The following RASAL2 variants were observed in gnomAD, a reference collection of about 807,000 sequenced individuals.
RASAL2 encodes the protein ras GTPase-activating protein nGAP.
In RASAL2, 58 loss-of-function variants were observed where a neutral mutation model predicts 128.9. That is an observed-to-expected ratio of 0.45 (90% CI 0.36 to 0.56). RASAL2 has a LOEUF of 0.56. RASAL2 is among the 20% of genes least tolerant of loss of function. The pLI is 0.00. For missense variants in RASAL2, 1,360 were observed against 1,601.6 expected, an observed-to-expected ratio of 0.85 and a Z score of 2.57; for synonymous variants, 561 against 580.8, an observed-to-expected ratio of 0.97 and a Z score of 0.49.
rs1670085272 is a variant in RASAL2, at chr1:178,345,147, A to G, written c.458-44953A>G. ...GTTAACTCAAGCACATGAAGAGGGA[A>G]CCATTGAGGAGATCCTGTTAATAAT... On this transcript the variant is annotated intron_variant, in intron 3 of 17. Transcript: ENST00000367649. 2.6e-5 allele frequency among the ~76,000 whole-genome samples: 4 copies of G among 152,170 alleles called. 1 individual carries two copies. Among genetic ancestry groups the G allele is most frequent in the Admixed American group, 2.6e-4 (4 of 15,268 alleles).
At chr1:178,391,517 G>A (rs1357557129) in intron 4 of RASAL2, among the ~76,000 whole-genome samples, 2 of 152,072 alleles carry the variant, frequency 1.3e-5, no homozygotes, top group African/African-American at 4.8e-5. Flanking sequence ...GAAATTCATT[G>A]TATTTTCTTA....
chr1:178,197,402 C>T (rs540162157), intron 1 of RASAL2, among the ~76,000 whole-genome samples: 4 of 151,686 alleles, frequency 2.6e-5, no homozygotes, highest in Non-Finnish European at 4.4e-5. Context: ...TGCAGTGAGC[C>T]GAGATTGTGC....
rs1321781233 is a variant in RASAL2, at chr1:178,248,070, A to C, written c.203-35494A>C. ...GTTGAGTTGGGGTGGAGAGTTCTGT[A>C]GATGTCTATTAGGTCCACTTGGTCC... On this transcript the variant is annotated intron_variant, in intron 1 of 17. Transcript: ENST00000367649. Among the ~76,000 whole-genome samples the C allele has an allele frequency of 2.0e-5, 3 of 152,338 alleles. No homozygotes were observed. In the East Asian group the frequency reaches 5.8e-4, roughly 29 times the overall value.
chr1:178,268,934 A>T (rs1172640641), intron 1 of RASAL2, among the ~76,000 whole-genome samples: 2 of 151,944 alleles, frequency 1.3e-5, no homozygotes, highest in Non-Finnish European at 2.9e-5. Context: ...GTATTGGAGC[A>T]CCTGTTTTTT....
At chr1:178,261,284 T>C (rs1430792275) in intron 1 of RASAL2, among the ~76,000 whole-genome samples, 1 of 152,230 alleles carries the variant, frequency 6.6e-6, no homozygotes, top group Non-Finnish European at 1.5e-5. Flanking sequence ...GATGTGAGCA[T>C]AATATAAATA....
At chr1:178,281,751 A>G (rs181762353) in intron 1 of RASAL2, among the ~76,000 whole-genome samples, 1 of 152,308 alleles carries the variant, frequency 6.6e-6, no homozygotes, top group East Asian at 1.9e-4. Context: ...AAGTAGATGC[A>G]TCTTTTTCTG....
intron 2 of RASAL2, among the ~76,000 whole-genome samples, chr1:178,287,629 G>A (rs1252391694): frequency 3.3e-5 from 5 of 151,960 alleles, no homozygotes; most frequent in Admixed American, 6.6e-5. Context: ...AAGAAAATAT[G>A]GTGTATGTAT....
At position 178,337,770 on chromosome 1, in the gene RASAL2, T is replaced by C. The variant is rs537529000; in HGVS notation, c.457+37652T>C. Among the ~76,000 whole-genome samples the C allele has an allele frequency of 1.3e-5, 2 of 152,196 alleles. 1 individual carries two copies. Among genetic ancestry groups the C allele is most frequent in the South Asian group, 4.1e-4 (2 of 4,820 alleles). On this transcript the variant is annotated intron_variant, in intron 3 of 17. Transcript: ENST00000367649. ...TTTTGAGACGGAGTTTTGCTCTTAT[T>C]GCCCAGGCTGGAGTGCAGTGGCGCA...
At chr1:178,405,375 C>G (rs974284649) in intron 4 of RASAL2, among the ~76,000 whole-genome samples, 2 of 152,202 alleles carry the variant, frequency 1.3e-5, no homozygotes, top group Non-Finnish European at 1.5e-5. Flanking sequence ...CCAAGATGTC[C>G]ACATCCTAAT....
intron 1 of RASAL2, among the ~76,000 whole-genome samples, chr1:178,113,309 A>T (rs1000738911): frequency 6.6e-6 from 1 of 151,134 alleles, no homozygotes; most frequent in African/African-American, 2.4e-5. Context: ...TACTTTGACT[A>T]CTCTAGATCA....
At chr1:178,338,201 CT>C (rs1258689987) in intron 3 of RASAL2, among the ~76,000 whole-genome samples, 1 of 151,966 alleles carries the variant, frequency 6.6e-6, no homozygotes, top group Non-Finnish European at 1.5e-5. Flanking sequence ...ATGATCTCGG[CT>C]CACTGCAACA....
chr1:178,131,261 C>T (rs1660103678), intron 1 of RASAL2, among the ~76,000 whole-genome samples: 1 of 151,728 alleles, frequency 6.6e-6, no homozygotes. Flanking sequence ...GACTGGACTG[C>T]AGTGGCACAA....
intron 1 of RASAL2, among the ~76,000 whole-genome samples, chr1:178,162,404 T>TTATATATTATATATAATATTATA (rs1661348599): frequency 8.5e-6 from 1 of 118,100 alleles, no homozygotes; most frequent in Admixed American, 1.1e-4. Context: ...ATTATATATT[T>TTATATATTATATATAATATTATA]TATATATTAT....
intron 1 of RASAL2, among the ~76,000 whole-genome samples, chr1:178,209,151 C>T (rs1663167551): frequency 6.6e-6 from 1 of 151,800 alleles, no homozygotes; most frequent in African/African-American, 2.4e-5. Flanking sequence ...ATTAAATTAT[C>T]CCACCCCACA....
At position 178,451,646 on chromosome 1, in the gene RASAL2, T is replaced by A; in HGVS notation, c.1703T>A (p.Leu568Gln). The A allele has an allele frequency of 6.2e-7, 1 of 1,613,930 alleles. No individual in the cohort carries two copies. The highest frequency in any genetic ancestry group is 8.5e-7 in the Non-Finnish European group (1 of 1,179,802). The stretch of plus-strand genomic sequence containing the variant: ...CCCAGCAAATGTTCATCTAGTGAAC[T>A]GATAGACCATCAGAGCAACCTGAAA... ...VDPSKCSSSE[L>Q]IDHQSNLKMC... Residue 568 changes from leucine to glutamine, a missense_variant, in exon 10 of 18, where the codon CTG (leucine) becomes CAG (glutamine). Transcript: ENST00000367649.
intron 5 of RASAL2, among the ~76,000 whole-genome samples, chr1:178,427,201 ACT>A (rs920400732): frequency 7.9e-5 from 12 of 152,166 alleles, no homozygotes; most frequent in African/African-American, 2.2e-4. Flanking sequence ...ACACAAAAAG[ACT>A]CTGTGATGTT....
intron 1 of RASAL2, among the ~76,000 whole-genome samples, chr1:178,136,022 A>G (rs1444868445): frequency 6.6e-6 from 1 of 152,226 alleles, no homozygotes; most frequent in Non-Finnish European, 1.5e-5. Context: ...AACCATATCA[A>G]CCGTATGAAC....
intron 1 of RASAL2, among the ~76,000 whole-genome samples, chr1:178,271,095 C>T (rs760478179): frequency 2.0e-5 from 3 of 152,102 alleles, no homozygotes; most frequent in Non-Finnish European, 4.4e-5. Context: ...ATATAATGGG[C>T]GAGAGGATCT....
At chr1:178,274,225 AAGTC>A (rs1666389694) in intron 1 of RASAL2, among the ~76,000 whole-genome samples, 1 of 152,130 alleles carries the variant, frequency 6.6e-6, no homozygotes, top group Non-Finnish European at 1.5e-5. Flanking sequence ...AGTTGCTAAA[AAGTC>A]AGACACTAAT....
Sources: allele counts gnomAD v4.1 joint callset (sites outside exome capture counted in the v4.1 genomes callset), GRCh38; gene constraint gnomAD v4.1.1; transcripts MANE v1.5; gene names NCBI Gene and HGNC (gene_info 2026-07-23, HGNC 2026-07-21).